PRUNE2: variants seen among roughly 807,000 people sequenced by gnomAD.
PRUNE2 encodes the protein protein prune homolog 2.
In PRUNE2, 164 loss-of-function variants were observed where a neutral mutation model predicts 252.0. That is an observed-to-expected ratio of 0.65 (90% CI 0.57 to 0.74). The LOEUF (loss-of-function observed/expected upper bound fraction) is 0.74, where lower values mean the gene tolerates loss of function less well. PRUNE2 is among the 30% of genes least tolerant of loss of function. The pLI, the probability that PRUNE2 is intolerant of heterozygous loss-of-function variation, is 0.00. For synonymous variants in PRUNE2, 1,292 were observed against 1,350.2 expected, an observed-to-expected ratio of 0.96 and a Z score of 0.94; for missense variants, 3,495 against 3,711.0, an observed-to-expected ratio of 0.94 and a Z score of 1.51.
chr9:76,813,068 G>C (rs2057462871), intron 6 of PRUNE2, among the ~76,000 whole-genome samples: 1 of 152,136 alleles, frequency 6.6e-6, no homozygotes, highest in Non-Finnish European at 1.5e-5. Context: ...GCTATATAAT[G>C]ATATACTTCT....
At position 76,880,590 on chromosome 9, in the gene PRUNE2, T is replaced by TA. The variant is rs201104789; in HGVS notation, c.36+25337dup. ...CTTGTGAATTTCCTCAATGAAACAT[T>TA]AAAAAATAAATTAATTTAATTAAAT... On this transcript the variant is annotated intron_variant, in intron 1 of 18. Transcript: ENST00000376718. Among the ~76,000 whole-genome samples the TA allele has an allele frequency of 4.9e-3, 749 of 152,318 alleles. 5 individuals are homozygous for TA. Among genetic ancestry groups the TA allele is most frequent in the African/African-American group, 0.017 (715 of 41,562 alleles).
intron 6 of PRUNE2, among the ~76,000 whole-genome samples, chr9:76,788,078 TAAA>T (rs2131342658): frequency 6.6e-6 from 1 of 152,284 alleles, no homozygotes; most frequent in Admixed American, 6.5e-5. Flanking sequence ...TACCAGCAAC[TAAA>T]GTTCTTTGTG....
At chr9:76,680,915 G>C (rs2043356441) in intron 9 of PRUNE2, among the ~76,000 whole-genome samples, 1 of 152,206 alleles carries the variant, frequency 6.6e-6, no homozygotes, top group African/African-American at 2.4e-5. Flanking sequence ...CATGAGAACA[G>C]CAGCGGGAAG....
At chr9:76,760,657 C>T (rs1335196661) in intron 6 of PRUNE2, among the ~76,000 whole-genome samples, 1 of 152,176 alleles carries the variant, frequency 6.6e-6, no homozygotes, top group Non-Finnish European at 1.5e-5. Context: ...CAGTATTCCA[C>T]ATCACAGCCA....
chr9:76,884,030 A>G (rs1469242792), intron 1 of PRUNE2, among the ~76,000 whole-genome samples: 1 of 152,178 alleles, frequency 6.6e-6, no homozygotes, highest in Non-Finnish European at 1.5e-5. Flanking sequence ...AAAGACTAGG[A>G]ATGCCTTGTC....
chr9:76,647,118 G>A (rs139670917), intron 11 of PRUNE2, among the ~76,000 whole-genome samples: 101 of 152,328 alleles, frequency 6.6e-4, no homozygotes, highest in Middle Eastern at 3.4e-3. Context: ...TGAGGCTGCA[G>A]TGAGCTATGA....
chr9:76,686,375 TA>T (rs2044091232), intron 9 of PRUNE2, among the ~76,000 whole-genome samples: 1 of 152,286 alleles, frequency 6.6e-6, no homozygotes, highest in Admixed American at 6.5e-5. Flanking sequence ...GGCAAGCACA[TA>T]AAAAAACTTG....
intron 8 of PRUNE2, among the ~76,000 whole-genome samples, 156 bp from the exon 9 acceptor site, chr9:76,704,255 C>T (rs1322114376): frequency 1.3e-5 from 2 of 152,012 alleles, no homozygotes; most frequent in Non-Finnish European, 1.5e-5. Flanking sequence ...GACAGAGTCC[C>T]GCTCTGTCAC....
intron 15 of PRUNE2, among the ~76,000 whole-genome samples, chr9:76,635,831 C>T (rs1378819236): frequency 2.0e-5 from 3 of 152,136 alleles, no homozygotes; most frequent in Non-Finnish European, 2.9e-5. Flanking sequence ...TTTCATTTAA[C>T]TATTTGAAGT....
chr9:76,830,024 T>A (rs185747853), intron 4 of PRUNE2, among the ~76,000 whole-genome samples: 1 of 152,216 alleles, frequency 6.6e-6, no homozygotes, highest in Non-Finnish European at 1.5e-5. Context: ...AATTAGAATC[T>A]GTAAGTAAAA....
intron 6 of PRUNE2, among the ~76,000 whole-genome samples, chr9:76,789,725 C>T (rs2055372081): frequency 6.6e-6 from 1 of 152,244 alleles, no homozygotes; most frequent in East Asian, 1.9e-4. Context: ...TTCTGCTTCA[C>T]CATTGATTAA....
chr9:76,792,309 C>T (rs1386802913), intron 6 of PRUNE2, among the ~76,000 whole-genome samples: 1 of 152,212 alleles, frequency 6.6e-6, no homozygotes, highest in Non-Finnish European at 1.5e-5. Flanking sequence ...GCTCCTCCTT[C>T]ACCTTCCACC....
intron 1 of PRUNE2, among the ~76,000 whole-genome samples, chr9:76,860,309 CA>C (rs1434766325): frequency 6.6e-6 from 1 of 152,230 alleles, no homozygotes; most frequent in African/African-American, 2.4e-5. Flanking sequence ...AAAACAACAG[CA>C]GTATGTCTAT....
intron 9 of PRUNE2, among the ~76,000 whole-genome samples, chr9:76,659,981 G>T (rs1850659553): frequency 6.6e-6 from 1 of 151,996 alleles, no homozygotes; most frequent in African/African-American, 2.4e-5. Flanking sequence ...ATGTTAGGAA[G>T]TGTTGGCTAA....
At chr9:76,684,940 C>A (rs764109902) in intron 9 of PRUNE2, among the ~76,000 whole-genome samples, 1 of 152,054 alleles carries the variant, frequency 6.6e-6, no homozygotes, top group Non-Finnish European at 1.5e-5. Context: ...TTAGTAGAGA[C>A]GGGGTTTCAC....
chr9:76,897,390 C>CTATTTTTTTTTTT (rs1564527202), intron 1 of PRUNE2, among the ~76,000 whole-genome samples: 1 of 56,252 alleles, frequency 1.8e-5, no homozygotes. Flanking sequence ...AGGCAAACCT[C>CTATTTTTTTTTTT]TTTTTTTTTT....
intron 9 of PRUNE2, among the ~76,000 whole-genome samples, chr9:76,702,124 A>C (rs1266156231): frequency 1.3e-5 from 2 of 150,636 alleles, no homozygotes; most frequent in Non-Finnish European, 2.9e-5. Flanking sequence ...CAGTCACACG[A>C]TCTCGGCTCA....
intron 9 of PRUNE2, among the ~76,000 whole-genome samples, chr9:76,663,424 A>T (rs892439538): frequency 6.6e-6 from 1 of 152,110 alleles, no homozygotes; most frequent in Non-Finnish European, 1.5e-5. Flanking sequence ...TCTTTAGGGA[A>T]TGTGCAAAAC....
chr9:76,806,361 C>T (rs1365339667), intron 6 of PRUNE2, among the ~76,000 whole-genome samples: 1 of 152,132 alleles, frequency 6.6e-6, no homozygotes, highest in Admixed American at 6.5e-5. Context: ...AAAATGCTTT[C>T]GGATACACTG....
Sources: allele counts gnomAD v4.1 joint callset (sites outside exome capture counted in the v4.1 genomes callset), GRCh38; gene constraint gnomAD v4.1.1; transcripts MANE v1.5; gene names NCBI Gene and HGNC (gene_info 2026-07-23, HGNC 2026-07-21).